SEMA3A: variants seen among roughly 807,000 people sequenced by gnomAD.
SEMA3A encodes the protein semaphorin 3A, also known as semaphorin-3A.
In SEMA3A, 29 loss-of-function variants were observed where a neutral mutation model predicts 97.9. That is an observed-to-expected ratio of 0.30 (90% CI 0.22 to 0.40). SEMA3A has a LOEUF of 0.40. Among genes scored for constraint, SEMA3A ranks in the 10% least tolerant of loss-of-function variants. The pLI, the probability that SEMA3A is intolerant of heterozygous loss-of-function variation, is 1.00. For missense variants in SEMA3A, 763 were observed against 951.3 expected, an observed-to-expected ratio of 0.80 and a Z score of 2.60; for synonymous variants, 321 against 323.7, an observed-to-expected ratio of 0.99 and a Z score of 0.09.
chr7:84,429,551 G>GTATATATATATATATATATAT (rs1562945161), intron 1 of SEMA3A, among the ~76,000 whole-genome samples: 1 of 52,620 alleles, frequency 1.9e-5, no homozygotes, highest in African/African-American at 1.1e-4. Flanking sequence ...TATATATAGC[G>GTATATATATATATATATATAT]AGAGAGAGAG....
intron 1 of SEMA3A, among the ~76,000 whole-genome samples, chr7:84,160,589 C>T (rs758283997): frequency 1.3e-5 from 2 of 151,174 alleles, no homozygotes; most frequent in Non-Finnish European, 3.0e-5. Context: ...CAAAAAAATT[C>T]CATAGGGGGT....
At chr7:84,272,270 A>G (rs1466919312) in intron 3 of SEMA3A, among the ~76,000 whole-genome samples, 1 of 152,078 alleles carries the variant, frequency 6.6e-6, no homozygotes, top group African/African-American at 2.4e-5. Context: ...TTTCATGTGC[A>G]CCTGCTGCTG....
intron 14 of SEMA3A, among the ~76,000 whole-genome samples, chr7:83,980,663 TATACAC>T (rs2116317408): frequency 7.1e-6 from 1 of 140,762 alleles, no homozygotes; most frequent in East Asian, 2.0e-4. Flanking sequence ...CATATACATA[TATACAC>T]ATATACATAT....
intron 3 of SEMA3A, among the ~76,000 whole-genome samples, chr7:84,268,997 C>G (rs1800078805): frequency 6.6e-6 from 1 of 152,120 alleles, no homozygotes. Flanking sequence ...TAGAAGAAAG[C>G]TTTCATTACT....
In SEMA3A at chr7:84,134,905, G is replaced by A. The variant is rs756284263; in HGVS notation, c.159C>T (p.Asn53=). 33 of 1,613,956 alleles carry A rather than the reference G, an allele frequency of 2.0e-5. No individual in the cohort carries two copies. The highest frequency in any genetic ancestry group is 2.7e-5 in the Non-Finnish European group (32 of 1,179,904). Residue 53 remains asparagine (N), a synonymous_variant, in exon 2 of 17, where the codon AAC becomes AAT. Coordinates refer to ENST00000265362, the MANE Select transcript of SEMA3A (RefSeq NM_006080.3). ...NNVITFNGLA[N]SSSYHTFLLD... ...AAAGGAAGGTATGATAACTGGAGCT[G>A]TTGGCCAAGCCATTGAAAGTGATCA...
chr7:84,029,885 G>A (rs1035104471), intron 6 of SEMA3A, among the ~76,000 whole-genome samples: 2 of 151,602 alleles, frequency 1.3e-5, no homozygotes, highest in Non-Finnish European at 1.5e-5. Context: ...TACATTTAAA[G>A]ACACGAAGAC....
At chr7:83,963,489 AGTGAT>A (rs1788556389) in intron 15 of SEMA3A, 142 bp from the exon 16 acceptor site, 1 of 880,348 alleles carries the variant, frequency 1.1e-6, no homozygotes, top group African/African-American at 1.7e-5. Context: ...CAGAAATGTC[AGTGAT>A]GTAAGGTTTC....
intron 1 of SEMA3A, among the ~76,000 whole-genome samples, chr7:84,434,380 C>T (rs776200416): frequency 4.6e-5 from 7 of 151,840 alleles, no homozygotes; most frequent in African/African-American, 7.3e-5. Flanking sequence ...AAAAATCTAC[C>T]GACCAAAAAA....
intron 3 of SEMA3A, among the ~76,000 whole-genome samples, chr7:84,210,980 A>T (rs1195627630): frequency 6.6e-6 from 1 of 152,170 alleles, no homozygotes; most frequent in Non-Finnish European, 1.5e-5. Context: ...TAGACAAGAT[A>T]TATCTGGAAC....
intron 1 of SEMA3A, among the ~76,000 whole-genome samples, chr7:84,416,132 T>A (rs1432732521): frequency 6.6e-6 from 1 of 152,084 alleles, no homozygotes. Context: ...CACCCAAATC[T>A]CAACTTGAAT....
At chr7:84,358,276 C>T (rs1802621154) in intron 2 of SEMA3A, among the ~76,000 whole-genome samples, 1 of 152,100 alleles carries the variant, frequency 6.6e-6, no homozygotes, top group Admixed American at 6.6e-5. Context: ...TCAGGTCTAA[C>T]ATTTAAGTCT....
intron 1 of SEMA3A, among the ~76,000 whole-genome samples, chr7:84,136,958 G>A (rs944531432): frequency 6.7e-5 from 3 of 44,806 alleles, no homozygotes; most frequent in Non-Finnish European, 1.4e-4. Flanking sequence ...AGGAGGGAGG[G>A]AAGAAGGAAG....
chr7:84,107,972 T>C (rs775495089), intron 4 of SEMA3A, among the ~76,000 whole-genome samples: 11 of 152,032 alleles, frequency 7.2e-5, no homozygotes, highest in African/African-American at 9.7e-5. Flanking sequence ...AAAGTGACAA[T>C]TGCTAGCAAG....
At chr7:84,408,923 T>C (rs1270381874) in intron 1 of SEMA3A, among the ~76,000 whole-genome samples, 3 of 151,946 alleles carry the variant, frequency 2.0e-5, no homozygotes, top group Non-Finnish European at 4.4e-5. Context: ...AGGGATCGCA[T>C]TAGGAGATAT....
chr7:84,282,615 G>GAA (rs977959051), intron 3 of SEMA3A, among the ~76,000 whole-genome samples: 13 of 152,044 alleles, frequency 8.6e-5, no homozygotes, highest in African/African-American at 3.1e-4. Context: ...GATTTCTAAA[G>GAA]AAAAAATATT....
At chr7:83,973,240 C>A (rs1344604340) in intron 15 of SEMA3A, among the ~76,000 whole-genome samples, 1 of 152,080 alleles carries the variant, frequency 6.6e-6, no homozygotes, top group East Asian at 1.9e-4. Flanking sequence ...CTCTTTCTAA[C>A]CAGACATGAT....
At chr7:84,208,399 C>T (rs1232929514) in intron 3 of SEMA3A, among the ~76,000 whole-genome samples, 1 of 54,492 alleles carries the variant, frequency 1.8e-5, no homozygotes, top group African/African-American at 5.4e-5. Context: ...TTGCAGTGAG[C>T]CGAGATCCTG....
In SEMA3A at chr7:84,025,199, G is replaced by T. The variant is rs111247726; in HGVS notation, c.668-10848C>A. On this transcript the variant is annotated intron_variant, in intron 6 of 16. Transcript: ENST00000265362. ...CTAAAAACCTGCTAAAGACAACTAAGATGAACAAAGACTAATTATAAATTA... is the reference window on the plus strand; with the variant it reads ...CTAAAAACCTGCTAAAGACAACTAATATGAACAAAGACTAATTATAAATTA... Among the ~76,000 whole-genome samples, 506 of 152,284 alleles carry T rather than the reference G, an allele frequency of 3.3e-3. 2 individuals carry two copies. The highest frequency in any genetic ancestry group is 0.012 in the African/African-American group (485 of 41,560).
At chr7:84,450,499 G>C (rs955967134) in intron 1 of SEMA3A, among the ~76,000 whole-genome samples, 1 of 152,192 alleles carries the variant, frequency 6.6e-6, no homozygotes, top group African/African-American at 2.4e-5. Context: ...TTAGTGCTTT[G>C]AGGAACACTC....
Sources: gnomAD v4.1 joint callset for allele counts (sites outside exome capture counted in the v4.1 genomes callset) on GRCh38, gnomAD v4.1.1 for gene constraint, MANE v1.5 for transcripts, NCBI Gene and HGNC (gene_info 2026-07-23, HGNC 2026-07-21) for gene names.